Variants in CAMTA1 observed in about 807,000 individuals in gnomAD.
CAMTA1 encodes calmodulin binding transcription activator 1.
CAMTA1 carries 27 observed loss-of-function variants against 170.9 expected under a neutral mutation model. That is an observed-to-expected ratio of 0.16 (90% CI 0.12 to 0.22). The LOEUF (loss-of-function observed/expected upper bound fraction) is 0.22, where lower values mean the gene tolerates loss of function less well. Ranked by LOEUF, CAMTA1 falls within the 10% of genes least tolerant of loss-of-function variation. CAMTA1 has a pLI of 1.00. For synonymous variants in CAMTA1, 833 were observed against 891.5 expected (o/e 0.93, Z 1.17); for missense variants, 1,619 against 2,217.2 (o/e 0.73, Z 5.42).
intron 3 of CAMTA1, among the ~76,000 whole-genome samples, chr1:6,939,989 C>T (rs1686158999): frequency 6.6e-6 from 1 of 152,284 alleles, no homozygotes; most frequent in African/African-American, 2.4e-5. Flanking sequence ...TGAGCTCCTC[C>T]AGGCCAGGGA....
In CAMTA1 at chr1:7,500,169, TGA is replaced by T. The variant is rs1157114207; in HGVS notation, c.510+32270_510+32271del. The stretch of plus-strand genomic sequence containing the variant: ...GTGTGTGTGCATGTGTGTACATGAG[TGA>T]GTGTGTAGAGAGGATGGTGTGAGCC... On this transcript the variant is annotated intron_variant, in intron 6 of 22. Coordinates refer to ENST00000303635, the MANE Select transcript of CAMTA1 (RefSeq NM_015215.4). Among the ~76,000 whole-genome samples, 15 of 139,904 alleles carry T rather than the reference TGA, an allele frequency of 1.1e-4. No homozygotes were observed. The South Asian group carries it at 3.0e-3, about 28-fold the overall frequency. 91.8% of individuals were successfully genotyped at this position (139,904 alleles called of 152,430 possible). A position where few individuals can be genotyped will look rare whatever the true frequency, so the allele number is the denominator to read the frequency against.
intron 3 of CAMTA1, among the ~76,000 whole-genome samples, chr1:6,845,764 G>C (rs922861301): frequency 6.6e-6 from 1 of 152,228 alleles, no homozygotes; most frequent in Non-Finnish European, 1.5e-5. Flanking sequence ...GTTTGTTAAT[G>C]ACAGACCTCA....
intron 3 of CAMTA1, among the ~76,000 whole-genome samples, chr1:6,949,321 GC>G (rs1688067558): frequency 6.6e-6 from 1 of 152,242 alleles, no homozygotes; most frequent in Non-Finnish European, 1.5e-5. Context: ...AGGAACTGCA[GC>G]CCTTTCTGCT....
At chr1:7,462,682 G>A (rs559887686) in intron 5 of CAMTA1, among the ~76,000 whole-genome samples, 12 of 152,254 alleles carry the variant, frequency 7.9e-5, no homozygotes, top group African/African-American at 2.6e-4. Context: ...TTCTGTGTCC[G>A]TGGTAGTTTG....
chr1:7,516,148 A>G (rs546894387), intron 6 of CAMTA1, among the ~76,000 whole-genome samples: 1 of 152,332 alleles, frequency 6.6e-6, no homozygotes, highest in Admixed American at 6.5e-5. Flanking sequence ...GTAAGTCTCC[A>G]CCGCTTAACA....
intron 22 of CAMTA1, among the ~76,000 whole-genome samples, chr1:7,756,611 G>A (rs2096933322): frequency 6.6e-6 from 1 of 152,184 alleles, no homozygotes; most frequent in African/African-American, 2.4e-5. Flanking sequence ...TGCTTTGGGA[G>A]GCTGAGGTGG....
At chr1:7,258,162 G>T (rs1295660228) in intron 5 of CAMTA1, among the ~76,000 whole-genome samples, 2 of 152,174 alleles carry the variant, frequency 1.3e-5, no homozygotes, top group Non-Finnish European at 2.9e-5. Context: ...CACTGGTGTT[G>T]GGGGAGAAGC....
At chr1:7,525,192 G>C (rs2094416835) in intron 6 of CAMTA1, among the ~76,000 whole-genome samples, 1 of 152,104 alleles carries the variant, frequency 6.6e-6, no homozygotes, top group African/African-American at 2.4e-5. Flanking sequence ...CAGGAAATGT[G>C]TATCCCAGAC....
At chr1:7,153,638 C>T (rs891427328) in intron 4 of CAMTA1, among the ~76,000 whole-genome samples, 2 of 152,034 alleles carry the variant, frequency 1.3e-5, no homozygotes, top group Non-Finnish European at 2.9e-5. Flanking sequence ...GGCGAGTGAC[C>T]GGCAACCTCC....
chr1:6,879,408 T>G (rs1670835139), intron 3 of CAMTA1, among the ~76,000 whole-genome samples: 1 of 152,196 alleles, frequency 6.6e-6, no homozygotes, highest in South Asian at 2.1e-4. Flanking sequence ...TCTTAGCTGC[T>G]CTGAGTAAAC....
intron 1 of CAMTA1, among the ~76,000 whole-genome samples, chr1:6,792,025 C>T (rs1431138869): frequency 6.6e-6 from 1 of 151,814 alleles, no homozygotes; most frequent in Admixed American, 6.6e-5. Context: ...ACGATCTCCG[C>T]TCCCTGCAAC....
chr1:7,348,201 T>A (rs2084369104), intron 5 of CAMTA1, among the ~76,000 whole-genome samples: 1 of 152,214 alleles, frequency 6.6e-6, no homozygotes, highest in East Asian at 1.9e-4. Flanking sequence ...CTCTTCGTCT[T>A]GTGGCCTCTG....
intron 3 of CAMTA1, among the ~76,000 whole-genome samples, chr1:7,019,750 C>T (rs1165721297): frequency 1.3e-5 from 2 of 152,228 alleles, no homozygotes; most frequent in African/African-American, 4.8e-5. Context: ...TTGACCTTTG[C>T]CTTTGACCCG....
intron 6 of CAMTA1, among the ~76,000 whole-genome samples, chr1:7,503,414 G>T (rs1419323551): frequency 6.6e-6 from 1 of 152,194 alleles, no homozygotes; most frequent in Non-Finnish European, 1.5e-5. Flanking sequence ...TTGGGTCCTG[G>T]GGTAATACAG....
At chr1:6,906,988 T>C (rs1359543904) in intron 3 of CAMTA1, among the ~76,000 whole-genome samples, 1 of 152,212 alleles carries the variant, frequency 6.6e-6, no homozygotes, top group Non-Finnish European at 1.5e-5. Flanking sequence ...GTCCCAGCCC[T>C]GTGACATGGC....
intron 3 of CAMTA1, among the ~76,000 whole-genome samples, chr1:6,846,342 C>T (rs1658135809): frequency 6.6e-6 from 1 of 152,150 alleles, no homozygotes; most frequent in African/African-American, 2.4e-5. Context: ...TTGGAAAATG[C>T]CCTTATCTAC....
At chr1:7,389,911 G>A (rs7524314) in intron 5 of CAMTA1, among the ~76,000 whole-genome samples, 34,229 of 152,006 alleles carry the variant, frequency 0.23, 4,448 homozygotes, top group East Asian at 0.53. Context: ...GCTGCAGAGA[G>A]GTTTGCTTTC....
rs893654521 is a variant in CAMTA1, at chr1:7,570,113, C to T, written c.511-70287C>T. ...TTGGGGCCGTCTTGCTTAATTCTAC[C>T]GAGACCTTGGGTGGGAGATCAGGGA... On this transcript the variant is annotated intron_variant, in intron 6 of 22. Coordinates refer to ENST00000303635, the MANE Select transcript of CAMTA1 (RefSeq NM_015215.4). The surrounding 1 kb of genome is among the most constrained non-coding windows in gnomAD (Gnocchi z 4.3). Among the ~76,000 whole-genome samples the T allele has an allele frequency of 6.6e-6, 1 of 152,144 alleles. No homozygotes were observed. The highest frequency in any genetic ancestry group is 6.5e-5 in the Admixed American group (1 of 15,276).
chr1:7,223,539 G>C (rs1661192176), intron 4 of CAMTA1, among the ~76,000 whole-genome samples: 1 of 152,144 alleles, frequency 6.6e-6, no homozygotes, highest in South Asian at 2.1e-4. Flanking sequence ...TAAGCAACCT[G>C]AGGCCAGGGG....
Sources: allele counts gnomAD v4.1 joint callset (sites outside exome capture counted in the v4.1 genomes callset), GRCh38; gene constraint gnomAD v4.1.1; non-coding constraint Gnocchi (gnomAD v3.1); transcripts MANE v1.5; gene names NCBI Gene and HGNC (gene_info 2026-07-23, HGNC 2026-07-21).